SLC24A2: variants seen among roughly 807,000 people sequenced by gnomAD.
SLC24A2 encodes the protein solute carrier family 24 member 2.
A neutral mutation model predicts 62.0 loss-of-function variants in SLC24A2; 36 were observed. The observed-to-expected ratio is 0.58, with a 90% CI of 0.44 to 0.77. SLC24A2 has a LOEUF of 0.77. SLC24A2 is among the 30% of genes least tolerant of loss of function. The pLI is 0.00. For missense variants in SLC24A2, 846 were observed against 817.9 expected (o/e 1.03, Z -0.42); for synonymous variants, 358 against 294.0 (o/e 1.22, Z -2.23).
At chr9:20,103,130 C>T in the SLC24A2 span, among the ~76,000 whole-genome samples, 1 of 152,214 alleles carries the variant, frequency 6.6e-6, no homozygotes, top group East Asian at 1.9e-4. Context: ...TGCAAGGTGG[C>T]AGCCAGGCTG....
chr9:20,026,178 G>T, the SLC24A2 span, among the ~76,000 whole-genome samples: 1 of 152,078 alleles, frequency 6.6e-6, no homozygotes, highest in East Asian at 1.9e-4. Flanking sequence ...GTCTACAGGG[G>T]CCTGATTATA....
chr9:20,243,203 A>AT, the SLC24A2 span, among the ~76,000 whole-genome samples: 1 of 152,136 alleles, frequency 6.6e-6, no homozygotes, highest in African/African-American at 2.4e-5. Flanking sequence ...TTTTTGCACA[A>AT]TTTTTAAAAA....
At chr9:19,742,139 TA>T (rs1306862530) in intron 2 of SLC24A2, among the ~76,000 whole-genome samples, 3 of 152,152 alleles carry the variant, frequency 2.0e-5, no homozygotes, top group Admixed American at 2.0e-4. Flanking sequence ...GCAATTGCCA[TA>T]AAAGTGTTGA....
At chr9:19,594,352 A>G (rs1836644511) in intron 5 of SLC24A2, among the ~76,000 whole-genome samples, 1 of 152,248 alleles carries the variant, frequency 6.6e-6, no homozygotes, top group African/African-American at 2.4e-5. Flanking sequence ...GCTTAAAAAT[A>G]ATAAGCTGAA....
chr9:20,268,578 G>A, the SLC24A2 span, among the ~76,000 whole-genome samples: 1 of 152,138 alleles, frequency 6.6e-6, no homozygotes. Flanking sequence ...AAAACTCTCA[G>A]AGTCTCCACC....
chr9:19,679,622 G>T (rs771779803), intron 2 of SLC24A2, among the ~76,000 whole-genome samples: 17 of 152,114 alleles, frequency 1.1e-4, no homozygotes, highest in Non-Finnish European at 2.1e-4. Context: ...GGAATAAAAA[G>T]GTAGAGGAAG....
At chr9:19,656,162 G>A (rs1350118161) in intron 2 of SLC24A2, among the ~76,000 whole-genome samples, 2 of 152,338 alleles carry the variant, frequency 1.3e-5, no homozygotes, top group East Asian at 3.9e-4. Context: ...CATTTCCATA[G>A]AGAGAGCTTT....
At chr9:20,202,242 G>A in the SLC24A2 span, among the ~76,000 whole-genome samples, 45 of 152,176 alleles carry the variant, frequency 3.0e-4, no homozygotes, top group Non-Finnish European at 4.4e-4. Flanking sequence ...TGCAAAACAC[G>A]CCAGAGAAAG....
At chr9:19,733,398 T>C (rs1028068047) in intron 2 of SLC24A2, among the ~76,000 whole-genome samples, 3 of 152,162 alleles carry the variant, frequency 2.0e-5, no homozygotes, top group African/African-American at 7.2e-5. Flanking sequence ...TCTTACAATA[T>C]CCCCTTCAGT....
intron 2 of SLC24A2, among the ~76,000 whole-genome samples, chr9:19,720,837 A>ATGTGTGTGTGTG (rs10692458): frequency 3.6e-5 from 5 of 140,524 alleles, no homozygotes; most frequent in Admixed American, 7.1e-5. Context: ...ATGTGGAATG[A>ATGTGTGTGTGTG]TGTGTGTGTG....
At chr9:19,909,431 T>A in the SLC24A2 span, among the ~76,000 whole-genome samples, 1 of 151,942 alleles carries the variant, frequency 6.6e-6, no homozygotes, top group Non-Finnish European at 1.5e-5. Context: ...TGTATACATA[T>A]GTAACAAACC....
the SLC24A2 span, among the ~76,000 whole-genome samples, chr9:19,896,679 A>G: frequency 1.3e-5 from 2 of 152,144 alleles, no homozygotes; most frequent in Non-Finnish European, 2.9e-5. Flanking sequence ...GAACCAGGTC[A>G]GTCTGACTCT....
the SLC24A2 span, among the ~76,000 whole-genome samples, chr9:19,981,601 C>G: frequency 6.6e-6 from 1 of 152,090 alleles, no homozygotes; most frequent in Non-Finnish European, 1.5e-5. Context: ...ACAAACAATT[C>G]CCACATGCAA....
the SLC24A2 span, among the ~76,000 whole-genome samples, chr9:20,074,604 A>AGGG: frequency 0.022 from 944 of 42,466 alleles, 23 homozygotes; most frequent in Non-Finnish European, 0.032. Flanking sequence ...GAAGGAAGGA[A>AGGG]AGAAGGGAGT....
In SLC24A2 at chr9:19,509,866, T is replaced by G. The variant is rs1412575477; in HGVS notation, c.*6287A>C. The G allele has an allele frequency of 6.6e-6, 1 of 152,078 alleles. No individual in the cohort carries two copies. The highest frequency in any genetic ancestry group is 2.4e-5 in the African/African-American group (1 of 41,432). The allele number at this position is 152,078 out of a possible 1,614,324, so 9.4% of individuals were successfully genotyped here. A position where few individuals can be genotyped will look rare whatever the true frequency, so the allele number is the denominator to read the frequency against. On this transcript the variant is annotated 3_prime_UTR_variant, in exon 11 of 11. Coordinates refer to ENST00000341998, the MANE Select transcript of SLC24A2 (RefSeq NM_020344.4). The stretch of plus-strand genomic sequence containing the variant: ...AATATGTAAGAATGCAGAAACAAAT[T>G]CCCATCCTTTTGGTGAACCCTGGCC...
chr9:20,184,971 T>C, the SLC24A2 span, among the ~76,000 whole-genome samples: 1 of 152,182 alleles, frequency 6.6e-6, no homozygotes, highest in African/African-American at 2.4e-5. Context: ...GAGGACATTA[T>C]GCTAAGTGAA....
At chr9:20,027,341 T>C in the SLC24A2 span, among the ~76,000 whole-genome samples, 2 of 152,270 alleles carry the variant, frequency 1.3e-5, no homozygotes. Flanking sequence ...CAAAAAGATA[T>C]CTACATTCCC....
chr9:19,733,853 T>A (rs1015318925), intron 2 of SLC24A2, among the ~76,000 whole-genome samples: 1 of 152,104 alleles, frequency 6.6e-6, no homozygotes, highest in Non-Finnish European at 1.5e-5. Context: ...AAAACTCCCG[T>A]ACTTTTGAAG....
At chr9:20,046,919 T>C in the SLC24A2 span, among the ~76,000 whole-genome samples, 1 of 152,092 alleles carries the variant, frequency 6.6e-6, no homozygotes, top group East Asian at 1.9e-4. Context: ...CCCAGGATTC[T>C]TTTTTTTCCC....
Sources: allele counts gnomAD v4.1 joint callset (sites outside exome capture counted in the v4.1 genomes callset), GRCh38; gene constraint gnomAD v4.1.1; transcripts MANE v1.5; gene names NCBI Gene and HGNC (gene_info 2026-07-23, HGNC 2026-07-21).